Variants in SECISBP2L observed in about 807,000 individuals in gnomAD.
SECISBP2L encodes SECIS binding protein 2 like.
SECISBP2L carries 43 observed loss-of-function variants against 114.7 expected under a neutral mutation model. The ratio of observed to expected loss-of-function variants is 0.38; its 90% CI spans 0.29 to 0.48. The LOEUF is 0.48. SECISBP2L is among the 20% of genes least tolerant of loss of function. The pLI is 0.98. For missense variants in SECISBP2L, 1,136 were observed against 1,301.1 expected (o/e 0.87, Z 1.95); for synonymous variants, 451 against 439.7 (o/e 1.03, Z -0.32).
intron 4 of SECISBP2L, among the ~76,000 whole-genome samples, chr15:49,029,360 G>C (rs369499282): frequency 6.6e-6 from 1 of 151,916 alleles, no homozygotes; most frequent in Non-Finnish European, 1.5e-5. Context: ...TTTTCTTTAC[G>C]CATTTGCCAT....
At chr15:49,012,161 T>C (rs1388381250) in intron 12 of SECISBP2L, among the ~76,000 whole-genome samples, 1 of 152,186 alleles carries the variant, frequency 6.6e-6, no homozygotes, top group East Asian at 1.9e-4. Flanking sequence ...ATTAAAAAGT[T>C]TGGAACCCAG....
rs1040609002 is a variant in SECISBP2L at position 48,990,414 on chromosome 15, T to C, written c.*1830A>G. On this transcript the variant is annotated 3_prime_UTR_variant, in exon 18 of 18. Coordinates refer to ENST00000559471, the MANE Select transcript of SECISBP2L (RefSeq NM_001193489.2). ...GCCATGTATAAATCCATGAGTACTATTTCAGAGGCTTCATTCCTTACCTGC... is the reference window on the plus strand; with the variant it reads ...GCCATGTATAAATCCATGAGTACTACTTCAGAGGCTTCATTCCTTACCTGC... The C allele has an allele frequency of 6.6e-6, 1 of 152,358 alleles. No individual in the cohort carries two copies. The highest frequency in any genetic ancestry group is 1.5e-5 in the Non-Finnish European group (1 of 68,030). 9.4% of individuals were successfully genotyped at this position (152,358 alleles called of 1,614,324 possible).
intron 13 of SECISBP2L, among the ~76,000 whole-genome samples, chr15:49,010,155 C>CACACACACACACACACA (rs1240452675): frequency 2.7e-5 from 1 of 37,088 alleles, no homozygotes; most frequent in Non-Finnish European, 7.1e-5. Context: ...ACACACACAC[C>CACACACACACACACACA]CCTCTTGCCA....
intron 7 of SECISBP2L, 178 bp from the exon 8 acceptor site, chr15:49,019,730 T>C (rs1186106085): frequency 2.7e-5 from 12 of 444,888 alleles, no homozygotes; most frequent in South Asian, 2.0e-4. Flanking sequence ...ATAAGAAAAA[T>C]AGAAAAATGA....
At chr15:49,011,671 G>T in intron 13 of SECISBP2L, 60 bp downstream of exon 13, 1 of 1,577,382 alleles carries the variant, frequency 6.3e-7, no homozygotes, top group African/African-American at 1.4e-5. Flanking sequence ...GATAGCTTAC[G>T]TATCTATTAA....
At position 49,028,466 on chromosome 15, in the gene SECISBP2L, G is replaced by C. The variant is rs951758936; in HGVS notation, c.881C>G (p.Ser294Cys). The change falls in exon 5 of 18, where the codon TCT becomes TGT. Residue 294 changes from serine to cysteine, a missense_variant. Physicochemically the swap from Ser to Cys is moderately radical, Grantham distance 112. Transcript: ENST00000559471. ...GATGTCACATACATTCATGGTCCCA[G>C]AATCAGGATTTCTCAAAGCCCCTGC... ...PAAGALRNPD[S>C]GTMNHVESSM... 6.2e-7 allele frequency: 1 copy of C among 1,614,076 alleles called. No homozygotes were observed. The highest frequency in any genetic ancestry group is 8.5e-7 in the Non-Finnish European group (1 of 1,179,928).
Position 48,992,314 on chromosome 15 carries a change from T to C in SECISBP2L, c.3236A>G (p.Gln1079Arg). 1 of 1,614,044 alleles carries C rather than the reference T, an allele frequency of 6.2e-7. No homozygotes were observed. Among genetic ancestry groups the C allele is most frequent in the Non-Finnish European group, 8.5e-7 (1 of 1,179,956 alleles). ...TADQQASPGQ[Q>R]KSSNCSSLNK... Reference sequence around the variant, plus strand: ...GAGCGAGCTGCAGTTGCTGGACTTCTGCTGCCCAGGACTGGCCTGCTGGTC... The same window carrying C: ...GAGCGAGCTGCAGTTGCTGGACTTCCGCTGCCCAGGACTGGCCTGCTGGTC... The change falls in exon 18 of 18, where the codon CAG becomes CGG. Residue 1079 changes from glutamine (Q) to arginine (R), a missense_variant. Around this residue, in one of 2 missense-constraint regions of SECISBP2L, gnomAD observed 684 missense variants for 848.7 expected, o/e 0.81. Transcript: ENST00000559471.
In SECISBP2L at chr15:49,035,467, T is replaced by C. The variant is rs1902985996; in HGVS notation, c.395A>G (p.Asn132Ser). The change falls in exon 3 of 18, where the codon AAC (asparagine) becomes AGC (serine). Residue 132 changes from asparagine (N) to serine (S), a missense_variant. Physicochemically the swap from Asn to Ser is conservative, Grantham distance 46. Around this residue, in one of 2 missense-constraint regions of SECISBP2L, gnomAD observed 452 missense variants for 452.3 expected, o/e 1.00. Transcript: ENST00000559471. Reference protein sequence around the residue: ...FYHPFPTPYSNTFQAANTVNA... With the variant: ...FYHPFPTPYSSTFQAANTVNA... ...TACAGTATTTGCAGCCTGAAAGGTG[T>C]TGGAGTAAGGTGTAGGAAAAGGATG... The C allele has an allele frequency of 1.2e-6, 2 of 1,613,966 alleles. No individual in the cohort carries two copies. Among genetic ancestry groups the C allele is most frequent in the Non-Finnish European group, 1.7e-6 (2 of 1,180,002 alleles).
In SECISBP2L at chr15:48,991,180, T is replaced by C. The variant is rs1162826696; in HGVS notation, c.*1064A>G. The C allele has an allele frequency of 2.0e-5, 3 of 152,222 alleles. No individual in the cohort carries two copies. The highest frequency in any genetic ancestry group is 4.4e-5 in the Non-Finnish European group (3 of 68,038). 9.4% of individuals were successfully genotyped at this position (152,222 alleles called of 1,614,324 possible). On this transcript the variant is annotated 3_prime_UTR_variant, in exon 18 of 18. Coordinates refer to ENST00000559471, the MANE Select transcript of SECISBP2L (RefSeq NM_001193489.2). ...TCTAAGCCTTGATTATCAGGATACA[T>C]GTCACAAGTTGTGCAAAGTTCCTTT...
At position 48,999,698 on chromosome 15, in the gene SECISBP2L, T is replaced by A. The variant is rs555204217; in HGVS notation, c.2403+135A>T. The A allele has an allele frequency of 1.5e-5, 14 of 925,060 alleles. No individual in the cohort carries two copies. In the African/African-American group the frequency reaches 2.3e-4, roughly 15 times the overall value. 57.3% of individuals were successfully genotyped at this position (925,060 alleles called of 1,614,324 possible). On this transcript the variant is annotated intron_variant, in intron 16 of 17. Coordinates refer to ENST00000559471, the MANE Select transcript of SECISBP2L (RefSeq NM_001193489.2). The stretch of plus-strand genomic sequence containing the variant: ...AAAAGGAAATGTAATACTCAAAAAA[T>A]TTCCATTTATTCTTTCAGGGTTGTC...
intron 17 of SECISBP2L, 109 bp downstream of exon 17, chr15:48,996,258 A>G (rs1341923935): frequency 9.1e-7 from 1 of 1,096,654 alleles, no homozygotes; most frequent in Non-Finnish European, 1.3e-6. Flanking sequence ...CCAAATTTCG[A>G]GCAACATTTG....
Position 49,018,863 on chromosome 15 carries a change from T to C in SECISBP2L, c.1170+555A>G, listed in dbSNP as rs546338003. Reference sequence around the variant, plus strand: ...CTATGTTCTTCTACTACACAGCAACTTTCCCAAAGATAGCAGGTCTATTCA... The same window carrying C: ...CTATGTTCTTCTACTACACAGCAACCTTCCCAAAGATAGCAGGTCTATTCA... On this transcript the variant is annotated intron_variant, in intron 8 of 17. Coordinates refer to ENST00000559471, the MANE Select transcript of SECISBP2L (RefSeq NM_001193489.2). Among the ~76,000 whole-genome samples the C allele has an allele frequency of 1.6e-4, 24 of 152,270 alleles. No individual in the cohort carries two copies. The South Asian group carries it at 4.3e-3, about 28-fold the overall frequency.
At chr15:49,005,162 T>C (rs934690635) in intron 14 of SECISBP2L, among the ~76,000 whole-genome samples, 1 of 152,128 alleles carries the variant, frequency 6.6e-6, no homozygotes, top group Non-Finnish European at 1.5e-5. Flanking sequence ...AAATCCTGTC[T>C]CTACTAAAAA....
chr15:49,022,316 C>G (rs1902655893), intron 7 of SECISBP2L, among the ~76,000 whole-genome samples: 1 of 152,120 alleles, frequency 6.6e-6, no homozygotes, highest in African/African-American at 2.4e-5. Flanking sequence ...AAAAACGATT[C>G]AAGCCAGGTG....
Position 49,019,485 on chromosome 15 carries a change from T to A in SECISBP2L, c.1103A>T (p.Asp368Val), listed in dbSNP as rs545970053. 50 of 1,512,986 alleles carry A rather than the reference T, an allele frequency of 3.3e-5. No individual in the cohort carries two copies. The African/African-American group carries it at 6.5e-4, about 20-fold the overall frequency. The allele number at this position is 1,512,986 out of a possible 1,614,324, so 93.7% of individuals were successfully genotyped here. A position where few individuals can be genotyped will look rare whatever the true frequency, so the allele number is the denominator to read the frequency against. ...ERRQNLQKRP[D>V]NKHLSSSQSH... Reference sequence around the variant, plus strand: ...TTGACTAGAGCTTAAATGCTTATTATCTGGTCTCTTTTGCAAATTCTGTCT... The same window carrying A: ...TTGACTAGAGCTTAAATGCTTATTAACTGGTCTCTTTTGCAAATTCTGTCT... The change falls in exon 8 of 18, where the codon GAT becomes GTT. Residue 368 changes from aspartate to valine, a missense_variant. Physicochemically the swap from Asp to Val is radical, Grantham distance 152. Transcript: ENST00000559471.
intron 6 of SECISBP2L, 124 bp from the exon 7 acceptor site, chr15:49,027,604 C>CTTTTT (rs1299026344): frequency 2.1e-6 from 1 of 466,274 alleles, no homozygotes; most frequent in Non-Finnish European, 3.7e-6. Context: ...TTCTATAAAC[C>CTTTTT]TTATTATTTT....
intron 14 of SECISBP2L, among the ~76,000 whole-genome samples, chr15:49,008,932 C>T (rs895498583): frequency 6.6e-6 from 1 of 152,104 alleles, no homozygotes; most frequent in Admixed American, 6.5e-5. Context: ...GATAGTACAA[C>T]ATTTAATATA....
At chr15:49,027,223 T>C (rs1902762261) in intron 7 of SECISBP2L, 142 bp downstream of exon 7, 3 of 506,062 alleles carry the variant, frequency 5.9e-6, no homozygotes, top group Non-Finnish European at 7.0e-6. Context: ...AGTAAGTTTA[T>C]TAGCTAAGCC....
intron 1 of SECISBP2L, among the ~76,000 whole-genome samples, chr15:49,042,959 C>T (rs533555136): frequency 1.3e-5 from 2 of 152,072 alleles, no homozygotes; most frequent in East Asian, 1.9e-4. Flanking sequence ...ACTGGGAAGG[C>T]GAGGTTGTAG....
Sources: gnomAD v4.1 joint callset for allele counts (sites outside exome capture counted in the v4.1 genomes callset) on GRCh38, gnomAD v4.1.1 for gene constraint, gnomAD v4.1.1 regional missense constraint, MANE v1.5 for transcripts, NCBI Gene and HGNC (gene_info 2026-07-23, HGNC 2026-07-21) for gene names.